Variants in EXT1 observed in about 807,000 individuals in gnomAD.
The protein encoded by EXT1 is exostosin-1.
In EXT1, 20 loss-of-function variants were observed where a neutral mutation model predicts 82.5. The ratio of observed to expected loss-of-function variants is 0.24; its 90% CI spans 0.17 to 0.35. The LOEUF is 0.35. Among genes scored for constraint, EXT1 ranks in the 10% least tolerant of loss-of-function variants. EXT1 has a pLI of 1.00. For synonymous variants in EXT1, 348 were observed against 350.8 expected (o/e 0.99, Z 0.09); for missense variants, 757 against 936.5 (o/e 0.81, Z 2.50).
In EXT1 at chr8:117,835,542, C is replaced by T. The variant is rs61753260; in HGVS notation, c.1066G>A (p.Val356Ile). ...CATCCATTGCTGAGCATCACAGGGA[C>T]GCAGGCAGCCTGAGCAAAAAAGGGG... ...RFLEALQAAC[V>I]PVMLSNGWEL... The change falls in exon 3 of 11, where the codon GTC becomes ATC. Residue 356 changes from valine (V) to isoleucine (I), a missense_variant. Physicochemically the swap from Val to Ile is conservative, Grantham distance 29. Transcript: ENST00000378204. The T allele has an allele frequency of 3.8e-4, 621 of 1,613,946 alleles. No homozygotes were observed. Among genetic ancestry groups the T allele is most frequent in the Non-Finnish European group, 5.0e-4 (591 of 1,179,840 alleles).
intron 1 of EXT1, among the ~76,000 whole-genome samples, chr8:117,844,137 C>T (rs200539635): frequency 7.7e-5 from 11 of 142,532 alleles, no homozygotes; most frequent in African/African-American, 2.1e-4. Context: ...ATTTCAATTA[C>T]TATTATTATT....
chr8:117,861,110 G>A (rs769531724), intron 1 of EXT1, among the ~76,000 whole-genome samples: 3 of 152,150 alleles, frequency 2.0e-5, no homozygotes, highest in African/African-American at 7.2e-5. Context: ...GGTCCTCATG[G>A]AAACATATCT....
intron 1 of EXT1, among the ~76,000 whole-genome samples, chr8:117,950,277 A>C (rs1225289471): frequency 5.9e-5 from 9 of 152,178 alleles, no homozygotes; most frequent in Admixed American, 5.9e-4. Flanking sequence ...ATCACTAACA[A>C]GGAAAGTTCT....
At chr8:117,928,582 G>A (rs1423642818) in intron 1 of EXT1, among the ~76,000 whole-genome samples, 3 of 152,056 alleles carry the variant, frequency 2.0e-5, no homozygotes, top group South Asian at 2.1e-4. Flanking sequence ...AAATAATTAC[G>A]ATGATGATAA....
intron 3 of EXT1, among the ~76,000 whole-genome samples, chr8:117,830,949 T>C (rs1016268998): frequency 5.3e-5 from 8 of 152,170 alleles, no homozygotes; most frequent in African/African-American, 1.9e-4. Flanking sequence ...CTCTCAATTG[T>C]TCATATATGA....
chr8:118,069,582 C>T (rs572060844), intron 1 of EXT1, among the ~76,000 whole-genome samples: 13 of 152,038 alleles, frequency 8.6e-5, no homozygotes, highest in South Asian at 6.2e-4. Context: ...CTAGAGTTAG[C>T]GGAGATAGAA....
intron 1 of EXT1, among the ~76,000 whole-genome samples, chr8:117,888,549 T>C (rs1813188968): frequency 6.6e-6 from 1 of 152,200 alleles, no homozygotes; most frequent in African/African-American, 2.4e-5. Context: ...TTAAGTGTTC[T>C]ATAAATGGCC....
chr8:117,952,332 C>A (rs1563611295), intron 1 of EXT1, among the ~76,000 whole-genome samples: 1 of 152,188 alleles, frequency 6.6e-6, no homozygotes, highest in Non-Finnish European at 1.5e-5. Flanking sequence ...TTGGTTCATA[C>A]TTGTTCAAAA....
intron 1 of EXT1, among the ~76,000 whole-genome samples, chr8:117,843,221 C>G (rs1812300011): frequency 6.6e-6 from 1 of 152,198 alleles, no homozygotes; most frequent in African/African-American, 2.4e-5. Context: ...CTTTTTCATT[C>G]ATTCACCAAG....
chr8:118,053,111 T>A (rs1322660513), intron 1 of EXT1, among the ~76,000 whole-genome samples: 1 of 152,186 alleles, frequency 6.6e-6, no homozygotes, highest in East Asian at 1.9e-4. Context: ...TAGTAGCATC[T>A]CCTAAGCAGC....
Position 118,018,930 on chromosome 8 carries a change from C to A in EXT1, c.962+91155G>T, listed in dbSNP as rs115051766. On this transcript the variant is annotated intron_variant, in intron 1 of 10. Coordinates refer to ENST00000378204, the MANE Select transcript of EXT1 (RefSeq NM_000127.3). Reference sequence around the variant, plus strand: ...ATAATTTAATAATAGTACCCTGCTTCCCAAATGCAATTAAAAATGGCCTTC... The same window carrying A: ...ATAATTTAATAATAGTACCCTGCTTACCAAATGCAATTAAAAATGGCCTTC... 3.0e-3 allele frequency among the ~76,000 whole-genome samples: 463 copies of A among 152,166 alleles called. 1 individual carries two copies. The highest frequency in any genetic ancestry group is 0.011 in the African/African-American group (439 of 41,516).
intron 1 of EXT1, among the ~76,000 whole-genome samples, chr8:118,021,956 C>A (rs1816110412): frequency 1.3e-5 from 2 of 152,196 alleles, no homozygotes; most frequent in Non-Finnish European, 2.9e-5. Context: ...TGACTCCCTT[C>A]ATCCTCCAAC....
chr8:117,952,769 G>A (rs1038375349), intron 1 of EXT1, among the ~76,000 whole-genome samples: 2 of 151,894 alleles, frequency 1.3e-5, no homozygotes, highest in Non-Finnish European at 2.9e-5. Context: ...AAAAAAAAGT[G>A]GATGAGAAGG....
chr8:117,928,863 T>A (rs1358553037), intron 1 of EXT1, among the ~76,000 whole-genome samples: 1 of 152,100 alleles, frequency 6.6e-6, no homozygotes, highest in Non-Finnish European at 1.5e-5. Flanking sequence ...GAGCAAGTAC[T>A]TACGACACCG....
At chr8:118,080,078 A>G (rs1817284859) in intron 1 of EXT1, among the ~76,000 whole-genome samples, 1 of 152,218 alleles carries the variant, frequency 6.6e-6, no homozygotes. Context: ...CAAAGAGTTC[A>G]CAATGCAACA....
intron 1 of EXT1, among the ~76,000 whole-genome samples, chr8:118,089,961 G>A (rs1817492844): frequency 6.6e-6 from 1 of 152,218 alleles, no homozygotes. Flanking sequence ...ACTCAGACTG[G>A]AGGCAAGGCT....
chr8:117,919,590 A>C (rs866709508), intron 1 of EXT1, among the ~76,000 whole-genome samples: 1 of 148,998 alleles, frequency 6.7e-6, no homozygotes, highest in Non-Finnish European at 1.5e-5. Context: ...CTGCAGCTTC[A>C]AACTCCTGGG....
At chr8:117,939,581 A>G (rs1047122221) in intron 1 of EXT1, among the ~76,000 whole-genome samples, 6 of 151,352 alleles carry the variant, frequency 4.0e-5, no homozygotes, top group Admixed American at 6.6e-5. Flanking sequence ...GAAAAAAAAA[A>G]AAAAAGAAAA....
At chr8:118,019,713 C>T (rs1324760438) in intron 1 of EXT1, among the ~76,000 whole-genome samples, 3 of 152,198 alleles carry the variant, frequency 2.0e-5, no homozygotes, top group African/African-American at 4.8e-5. Flanking sequence ...TTTAAGCACT[C>T]GCTATGTATT....
Sources: allele counts gnomAD v4.1 joint callset (sites outside exome capture counted in the v4.1 genomes callset), GRCh38; gene constraint gnomAD v4.1.1; transcripts MANE v1.5; gene names NCBI Gene and HGNC (gene_info 2026-07-23, HGNC 2026-07-21).